Variants in PIWIL1 observed in about 807,000 individuals in gnomAD.
PIWIL1 encodes the protein piwi like RNA-mediated gene silencing 1.
In PIWIL1, 73 loss-of-function variants were observed where a neutral mutation model predicts 114.4. The observed-to-expected ratio is 0.64, with a 90% confidence interval of 0.53 to 0.78. The LOEUF is 0.78. Among genes scored for constraint, PIWIL1 ranks in the 30% least tolerant of loss-of-function variants. PIWIL1 has a pLI of 0.00. For missense variants in PIWIL1, 723 were observed against 1,063.1 expected (o/e 0.68, Z 4.45); for synonymous variants, 375 against 369.0 (o/e 1.02, Z -0.19).
intron 4 of PIWIL1, 120 bp from the exon 5 acceptor site, chr12:130,346,250 T>C (rs2073064767): frequency 1.4e-6 from 1 of 698,896 alleles, no homozygotes; most frequent in East Asian, 2.7e-5. Context: ...AGGACTTTCA[T>C]GTTGTCTGCT....
At chr12:130,340,103 G>A (rs1593077853) in intron 1 of PIWIL1, among the ~76,000 whole-genome samples, 2 of 152,122 alleles carry the variant, frequency 1.3e-5, no homozygotes, top group East Asian at 3.9e-4. Flanking sequence ...TGGTCACGCC[G>A]GGGAAACGGC....
At chr12:130,397,937 G>T in the PIWIL1 span, 1 of 157,382 alleles carries the variant, frequency 6.4e-6, no homozygotes, top group East Asian at 1.8e-4. Context: ...AGGGAATTTT[G>T]TTGTATTTGA....
chr12:130,371,113 TAAG>T (rs1162333331), intron 19 of PIWIL1, 60 bp from the exon 20 acceptor site: 1 of 1,403,592 alleles, frequency 7.1e-7, no homozygotes, highest in Non-Finnish European at 1.0e-6. Context: ...CTTTTCACTG[TAAG>T]AAACTGGAAT....
chr12:130,346,249 AT>A, intron 4 of PIWIL1, 120 bp from the exon 5 acceptor site: 1 of 698,666 alleles, frequency 1.4e-6, no homozygotes, highest in East Asian at 2.7e-5. Context: ...GAGGACTTTC[AT>A]GTTGTCTGCT....
chr12:130,363,398 C>T (rs1157181260), intron 18 of PIWIL1, among the ~76,000 whole-genome samples: 1 of 152,064 alleles, frequency 6.6e-6, no homozygotes, highest in Admixed American at 6.6e-5. Context: ...CATTGATCAG[C>T]TTTCTTTCTT....
the PIWIL1 span, among the ~76,000 whole-genome samples, chr12:130,388,197 T>G: frequency 6.6e-6 from 1 of 152,192 alleles, no homozygotes; most frequent in African/African-American, 2.4e-5. Flanking sequence ...TGCTGCAGCC[T>G]CAAACTCCTG....
chr12:130,382,405 A>C, the PIWIL1 span, among the ~76,000 whole-genome samples: 1 of 152,198 alleles, frequency 6.6e-6, no homozygotes, highest in Admixed American at 6.5e-5. Flanking sequence ...TCTGCAGGCT[A>C]AATACTTCAA....
chr12:130,367,632 A>T (rs1310912602), intron 19 of PIWIL1, among the ~76,000 whole-genome samples: 1 of 152,236 alleles, frequency 6.6e-6, no homozygotes, highest in Non-Finnish European at 1.5e-5. Context: ...TCTAAAGGTC[A>T]AGAAGTTTTA....
At chr12:130,340,562 C>T (rs372210328) in intron 1 of PIWIL1, among the ~76,000 whole-genome samples, 1 of 149,562 alleles carries the variant, frequency 6.7e-6, no homozygotes, top group Non-Finnish European at 1.5e-5. Flanking sequence ...TCACTCACTG[C>T]GGCTCACTTC....
intron 9 of PIWIL1, chr12:130,351,658 A>G (rs1350098498): frequency 6.6e-6 from 1 of 152,210 alleles, no homozygotes; most frequent in Non-Finnish European, 1.5e-5. Context: ...GAATAAACAA[A>G]TGGTGGATGA....
the PIWIL1 span, chr12:130,399,270 T>G: frequency 1.8e-6 from 1 of 548,036 alleles, no homozygotes; most frequent in Non-Finnish European, 2.7e-6. Context: ...AACATGAATG[T>G]AGTCTAATAG....
downstream of PIWIL1, among the ~76,000 whole-genome samples, chr12:130,375,926 C>T (rs550423067): frequency 1.6e-3 from 245 of 152,308 alleles, no homozygotes; most frequent in African/African-American, 5.7e-3. Flanking sequence ...CGATGCCATG[C>T]TCTCTTGGCT....
At chr12:130,383,550 G>C in the PIWIL1 span, 142,390 of 152,234 alleles carry the variant, frequency 0.94, 66,726 homozygotes, top group Non-Finnish European at 0.96. Context: ...CTCCAGATTT[G>C]CTAGTGATAG....
At chr12:130,411,560 T>A in the PIWIL1 span, among the ~76,000 whole-genome samples, 7 of 141,924 alleles carry the variant, frequency 4.9e-5, no homozygotes, top group Admixed American at 1.5e-4. Flanking sequence ...GCATAAAAAA[T>A]TTTAATCTAA....
chr12:130,392,008 GT>G, the PIWIL1 span, among the ~76,000 whole-genome samples: 2 of 134,134 alleles, frequency 1.5e-5, no homozygotes, highest in Non-Finnish European at 3.3e-5. Flanking sequence ...CCCAGTCACC[GT>G]CATCACGTGT....
chr12:130,362,753 T>C lies in PIWIL1; in HGVS notation c.1971-13T>C, dbSNP rs2136181466. On this transcript the variant is annotated splice_polypyrimidine_tract_variant and intron_variant, in intron 16 of 20. Coordinates refer to ENST00000245255, the MANE Select transcript of PIWIL1 (RefSeq NM_004764.5). ...ATTGCATTCTTATTCTAGCTGTGTT[T>C]TTCTCTGAATAGCTGGTTCTCACGC... 2 of 1,612,644 alleles carry C rather than the reference T, an allele frequency of 1.2e-6. No homozygotes were observed. Among genetic ancestry groups the C allele is most frequent in the Middle Eastern group, 1.7e-4 (1 of 6,056 alleles).
chr12:130,374,106 G>T (rs182402141), downstream of PIWIL1, among the ~76,000 whole-genome samples: 9 of 152,144 alleles, frequency 5.9e-5, no homozygotes, highest in East Asian at 1.7e-3. Context: ...TCTTTTCTGG[G>T]TACATTTTCC....
At chr12:130,356,046 ATT>A (rs201952571) in intron 12 of PIWIL1, among the ~76,000 whole-genome samples, 1 of 144,470 alleles carries the variant, frequency 6.9e-6, no homozygotes, top group African/African-American at 2.5e-5. Context: ...AAGTGGTTCG[ATT>A]TTTTTTTTTT....
chr12:130,367,631 C>A (rs2136193151), intron 19 of PIWIL1, among the ~76,000 whole-genome samples: 1 of 152,272 alleles, frequency 6.6e-6, no homozygotes, highest in Middle Eastern at 3.4e-3. Context: ...GTCTAAAGGT[C>A]AAGAAGTTTT....
Sources: allele counts gnomAD v4.1 joint callset (sites outside exome capture counted in the v4.1 genomes callset), GRCh38; gene constraint gnomAD v4.1.1; transcripts MANE v1.5; gene names NCBI Gene and HGNC (gene_info 2026-07-23, HGNC 2026-07-21).